MYO16: variants seen among roughly 807,000 people sequenced by gnomAD.
MYO16 encodes the protein myosin XVI, also known as unconventional myosin-XVI.
Under a neutral mutation model 205.3 loss-of-function variants are expected in MYO16, and 94 were observed. That is an observed-to-expected ratio of 0.46 (90% CI 0.39 to 0.54). The LOEUF (loss-of-function observed/expected upper bound fraction) is 0.54, where lower values mean the gene tolerates loss of function less well. Among genes scored for constraint, MYO16 ranks in the 20% least tolerant of loss-of-function variants. The pLI, the probability that MYO16 is intolerant of heterozygous loss-of-function variation, is 0.00. For synonymous variants in MYO16, 988 were observed against 954.0 expected, an observed-to-expected ratio of 1.04 and a Z score of -0.66; for missense variants, 2,315 against 2,387.5, an observed-to-expected ratio of 0.97 and a Z score of 0.63.
chr13:108,649,385 T>C (rs916383687), intron 1 of MYO16, among the ~76,000 whole-genome samples: 1 of 152,132 alleles, frequency 6.6e-6, no homozygotes, highest in Non-Finnish European at 1.5e-5. Flanking sequence ...GGCAGTTGAC[T>C]TGGACAATGT....
chr13:108,972,449 G>C (rs1189622782), intron 20 of MYO16, among the ~76,000 whole-genome samples: 1 of 123,174 alleles, frequency 8.1e-6, no homozygotes, highest in Non-Finnish European at 1.6e-5. Context: ...TATGGGGAAG[G>C]GGAGAGTTGT....
chr13:109,106,303 G>A (rs1437381777), intron 28 of MYO16, among the ~76,000 whole-genome samples: 1 of 152,098 alleles, frequency 6.6e-6, no homozygotes, highest in Non-Finnish European at 1.5e-5. Flanking sequence ...TATTATTCAG[G>A]TATTTTCCTT....
chr13:108,640,935 G>T (rs114425411), intron 1 of MYO16, among the ~76,000 whole-genome samples: 1 of 152,126 alleles, frequency 6.6e-6, no homozygotes, highest in South Asian at 2.1e-4. Flanking sequence ...AGCCTTCTTG[G>T]CAGTACTATG....
the MYO16 span, among the ~76,000 whole-genome samples, chr13:108,534,435 G>A: frequency 2.0e-5 from 3 of 152,026 alleles, no homozygotes; most frequent in Non-Finnish European, 4.4e-5. Flanking sequence ...TTGTTCTTAG[G>A]TTTGGTAGAC....
chr13:108,793,734 T>A lies in MYO16; in HGVS notation c.741+94T>A, dbSNP rs1265287681. ...TTCATTAAATTAACCTTTAAATAAT[T>A]GTTGTGATCATAAAGTAATACATGT... On this transcript the variant is annotated intron_variant, in intron 6 of 34. Coordinates refer to ENST00000457511, the MANE Select transcript of MYO16 (RefSeq NM_001198950.3). 1.4e-5 allele frequency: 4 copies of A among 289,172 alleles called. No individual in the cohort carries two copies. The African/African-American group carries it at 2.2e-4, about 16-fold the overall frequency. The allele number at this position is 289,172 out of a possible 1,614,324, so 17.9% of individuals were successfully genotyped here. A position where few individuals can be genotyped will look rare whatever the true frequency, so the allele number is the denominator to read the frequency against.
At chr13:108,924,472 A>G (rs117970443) in intron 16 of MYO16, among the ~76,000 whole-genome samples, 2,626 of 152,298 alleles carry the variant, frequency 0.017, 42 homozygotes, top group Middle Eastern at 0.037. Context: ...CCGTGTTGTC[A>G]GAATGGTCGA....
chr13:108,713,574 A>AT (rs1364358719), intron 3 of MYO16, among the ~76,000 whole-genome samples: 24 of 152,118 alleles, frequency 1.6e-4, no homozygotes, highest in African/African-American at 5.8e-4. Flanking sequence ...ATTCTTACTT[A>AT]TTTTTTCTGG....
intron 4 of MYO16, among the ~76,000 whole-genome samples, chr13:108,785,239 T>G (rs1886421701): frequency 6.6e-6 from 1 of 152,156 alleles, no homozygotes; most frequent in Admixed American, 6.6e-5. Flanking sequence ...TGGCCAAAGT[T>G]CAGCTTGCTC....
intron 1 of MYO16, among the ~76,000 whole-genome samples, chr13:108,598,743 C>G (rs1878652038): frequency 6.6e-6 from 1 of 152,160 alleles, no homozygotes; most frequent in Non-Finnish European, 1.5e-5. Context: ...AAAACTGCTT[C>G]AATTGATATC....
chr13:108,517,253 T>C, the MYO16 span, among the ~76,000 whole-genome samples: 1 of 152,208 alleles, frequency 6.6e-6, no homozygotes, highest in Admixed American at 6.5e-5. Flanking sequence ...AAGGCTGTTA[T>C]GTGGTATCCT....
At chr13:108,979,158 T>C (rs1884371634) in intron 20 of MYO16, among the ~76,000 whole-genome samples, 1 of 152,016 alleles carries the variant, frequency 6.6e-6, no homozygotes, top group Non-Finnish European at 1.5e-5. Flanking sequence ...TTATTTTAAT[T>C]AATTTCTGAA....
At chr13:108,810,664 ACTCT>A (rs56787506) in intron 7 of MYO16, among the ~76,000 whole-genome samples, 2 of 151,928 alleles carry the variant, frequency 1.3e-5, no homozygotes, top group African/African-American at 2.4e-5. Flanking sequence ...AAGATTTATA[ACTCT>A]CTCTGAAGAA....
intron 16 of MYO16, among the ~76,000 whole-genome samples, chr13:108,938,872 G>A (rs937222981): frequency 5.3e-5 from 8 of 152,168 alleles, no homozygotes; most frequent in Non-Finnish European, 7.3e-5. Flanking sequence ...CAATCTCAGG[G>A]GAGTAGGCTG....
chr13:109,123,288 A>T (rs1190601479), intron 29 of MYO16, among the ~76,000 whole-genome samples: 5 of 152,232 alleles, frequency 3.3e-5, no homozygotes, highest in African/African-American at 1.2e-4. Flanking sequence ...GAGGCGGGAC[A>T]ATAGACTCCG....
chr13:109,120,546 T>C (rs1875942081), intron 29 of MYO16, 80 bp downstream of exon 29: 10 of 1,074,604 alleles, frequency 9.3e-6, no homozygotes, highest in Non-Finnish European at 1.4e-5. Flanking sequence ...CAAGTTTAAA[T>C]GTCGATGGGG....
the MYO16 span, among the ~76,000 whole-genome samples, chr13:108,549,053 G>A: frequency 6.6e-6 from 1 of 152,188 alleles, no homozygotes; most frequent in Non-Finnish European, 1.5e-5. Flanking sequence ...CGAGGGCAGG[G>A]ATTTGGAGAG....
chr13:108,527,966 T>A, the MYO16 span, among the ~76,000 whole-genome samples: 1 of 152,330 alleles, frequency 6.6e-6, no homozygotes, highest in East Asian at 1.9e-4. Context: ...TATCTGTGTA[T>A]CTCTGGTGTA....
chr13:109,056,104 G>T (rs1447386507), intron 27 of MYO16: 2 of 155,822 alleles, frequency 1.3e-5, no homozygotes, highest in Non-Finnish European at 1.4e-5. Context: ...CACTGCAATA[G>T]AGATAGACAG....
chr13:109,141,883 G>A lies in MYO16; in HGVS notation c.5164+507G>A, dbSNP rs1413901143. On this transcript the variant is annotated intron_variant, in intron 32 of 34. Coordinates refer to ENST00000457511, the MANE Select transcript of MYO16 (RefSeq NM_001198950.3). The surrounding 1 kb of genome is among the most constrained non-coding windows in gnomAD (Gnocchi z 4.1). Reference sequence around the variant, plus strand: ...TACTACCCTGCGCTTAATGCCACTCGGCTGTGGGCTGTTTGGGATGAACTG... The same window carrying A: ...TACTACCCTGCGCTTAATGCCACTCAGCTGTGGGCTGTTTGGGATGAACTG... 6.6e-6 allele frequency among the ~76,000 whole-genome samples: 1 copy of A among 152,088 alleles called. No individual in the cohort carries two copies. The highest frequency in any genetic ancestry group is 1.5e-5 in the Non-Finnish European group (1 of 68,038).
Sources: allele counts gnomAD v4.1 joint callset (sites outside exome capture counted in the v4.1 genomes callset), GRCh38; gene constraint gnomAD v4.1.1; non-coding constraint Gnocchi (gnomAD v3.1); transcripts MANE v1.5; gene names NCBI Gene and HGNC (gene_info 2026-07-23, HGNC 2026-07-21).